Variants in TAF1A observed in about 807,000 individuals in gnomAD.
TAF1A encodes the protein TATA box-binding protein-associated factor RNA polymerase I subunit A.
TAF1A carries 42 observed loss-of-function variants against 61.6 expected under a neutral mutation model. The observed-to-expected ratio is 0.68, with a 90% CI of 0.53 to 0.88. The LOEUF is 0.88. Among genes scored for constraint, TAF1A ranks in the 40% least tolerant of loss-of-function variants. TAF1A has a pLI of 0.00. For missense variants in TAF1A, 424 were observed against 518.7 expected (o/e 0.82, Z 1.77); for synonymous variants, 179 against 177.7 (o/e 1.01, Z -0.06).
intron 3 of TAF1A, among the ~76,000 whole-genome samples, chr1:222,583,794 G>A (rs1353541824): frequency 4.0e-5 from 6 of 149,470 alleles, no homozygotes; most frequent in Non-Finnish European, 7.4e-5. Context: ...AGCCGAGATC[G>A]CGCTACTTCA....
At chr1:222,556,224 G>A, downstream of TAF1A, among the ~76,000 whole-genome samples, 1 of 152,236 alleles carries the variant, frequency 6.6e-6, no homozygotes. Context: ...CCTGTGCCCT[G>A]TTTTGTCTTC....
At chr1:222,563,428 C>T (rs1413332756) in intron 8 of TAF1A, 132 bp from the exon 9 acceptor site, 2 of 1,019,982 alleles carry the variant, frequency 2.0e-6, no homozygotes, top group African/African-American at 3.4e-5. Context: ...GAATCATAAG[C>T]CTTCTGGTTA....
intron 3 of TAF1A, among the ~76,000 whole-genome samples, chr1:222,580,968 C>T (rs531444705): frequency 5.3e-5 from 8 of 151,976 alleles, no homozygotes; most frequent in Non-Finnish European, 7.4e-5. Flanking sequence ...CTGGCTAACA[C>T]GGTGAAACCC....
chr1:222,554,132 T>C (rs1230703000), downstream of TAF1A, among the ~76,000 whole-genome samples: 4 of 152,346 alleles, frequency 2.6e-5, no homozygotes, highest in Admixed American at 6.5e-5. Context: ...TTGTTCTTCA[T>C]TTGGAAAAAT....
chr1:222,570,388 A>T, intron 6 of TAF1A, 147 bp downstream of exon 6: 1 of 780,340 alleles, frequency 1.3e-6, no homozygotes, highest in Non-Finnish European at 1.9e-6. Context: ...AAACAAATTC[A>T]GACCAAAAAA....
At chr1:222,573,333 T>G (rs1484063483) in intron 5 of TAF1A, among the ~76,000 whole-genome samples, 1 of 152,138 alleles carries the variant, frequency 6.6e-6, no homozygotes, top group African/African-American at 2.4e-5. Flanking sequence ...GGTGAAAATA[T>G]TTCCAAGTCA....
chr1:222,563,360 A>C (rs942507015), intron 8 of TAF1A, 64 bp from the exon 9 acceptor site: 67 of 1,532,334 alleles, frequency 4.4e-5, no homozygotes, highest in Non-Finnish European at 5.9e-5. Flanking sequence ...TAAAATTTAC[A>C]TGTATACATT....
chr1:222,588,358 C>A, intron 2 of TAF1A, 85 bp downstream of exon 2: 1 of 1,481,178 alleles, frequency 6.8e-7, no homozygotes, highest in Non-Finnish European at 9.1e-7. Flanking sequence ...GAAAATTAAA[C>A]CAGTCTGGTT....
downstream of TAF1A, among the ~76,000 whole-genome samples, chr1:222,557,648 G>A (rs978714143): frequency 4.0e-5 from 6 of 151,772 alleles, no homozygotes; most frequent in African/African-American, 1.2e-4. Flanking sequence ...GTAGAGACAG[G>A]GTTTCACCAT....
chr1:222,557,763 CA>C (rs1195595733), downstream of TAF1A: 1 of 152,180 alleles, frequency 6.6e-6, no homozygotes, highest in African/African-American at 2.4e-5. Context: ...CAGCTGAAAA[CA>C]GCCAGCCCAC....
chr1:222,563,394 C>G, intron 8 of TAF1A, 98 bp from the exon 9 acceptor site: 1 of 1,274,304 alleles, frequency 7.8e-7, no homozygotes, highest in Non-Finnish European at 1.1e-6. Context: ...ATATACTTTA[C>G]ATATATGTTG....
chr1:222,580,923 C>T lies in TAF1A; in HGVS notation c.292-1051G>A, dbSNP rs1476422540. Among the ~76,000 whole-genome samples the T allele has an allele frequency of 3.3e-5, 5 of 152,016 alleles. No individual in the cohort carries two copies. In the South Asian group the frequency reaches 6.2e-4, roughly 19 times the overall value. On this transcript the variant is annotated intron_variant, in intron 3 of 10. Coordinates refer to ENST00000352967, the MANE Select transcript of TAF1A (RefSeq NM_005681.4). Reference sequence around the variant, plus strand: ...ATCCCAGGATTTTGGGAGGCCGAGGCGGGTGGATCACGAGGTCAGGAGAGT... The same window carrying T: ...ATCCCAGGATTTTGGGAGGCCGAGGTGGGTGGATCACGAGGTCAGGAGAGT...
chr1:222,570,046 A>T (rs1427113523), intron 6 of TAF1A, among the ~76,000 whole-genome samples: 1 of 152,204 alleles, frequency 6.6e-6, no homozygotes, highest in Admixed American at 6.5e-5. Context: ...CAACACAATT[A>T]TCAACTTGCC....
At chr1:222,581,935 A>ATGCC (rs1660804366) in intron 3 of TAF1A, among the ~76,000 whole-genome samples, 1 of 152,228 alleles carries the variant, frequency 6.6e-6, no homozygotes, top group Non-Finnish European at 1.5e-5. Flanking sequence ...CTTTTTAAAT[A>ATGCC]TTTGTATATA....
At chr1:222,569,395 A>G in intron 7 of TAF1A, 115 bp downstream of exon 7, 1 of 1,594,028 alleles carries the variant, frequency 6.3e-7, no homozygotes, top group Non-Finnish European at 8.5e-7. Context: ...ATCTCAGTGT[A>G]CTGTACATTA....
intron 5 of TAF1A, among the ~76,000 whole-genome samples, chr1:222,572,606 T>G (rs949930327): frequency 6.6e-6 from 1 of 152,192 alleles, no homozygotes; most frequent in African/African-American, 2.4e-5. Context: ...GCGATCTACC[T>G]GTCTTGGCCT....
intron 2 of TAF1A, among the ~76,000 whole-genome samples, chr1:222,584,518 A>G (rs1242215524): frequency 2.0e-5 from 3 of 152,196 alleles, no homozygotes; most frequent in Non-Finnish European, 2.9e-5. Context: ...TTTTGGGGCT[A>G]CTAGAGTCAC....
At chr1:222,570,013 T>A (rs970813494) in intron 6 of TAF1A, among the ~76,000 whole-genome samples, 5 of 152,208 alleles carry the variant, frequency 3.3e-5, no homozygotes, top group African/African-American at 1.2e-4. Context: ...CTCCAGATTA[T>A]GATTTTGGAG....
At chr1:222,581,120 TA>T (rs1660773605) in intron 3 of TAF1A, among the ~76,000 whole-genome samples, 1 of 151,920 alleles carries the variant, frequency 6.6e-6, no homozygotes, top group East Asian at 1.9e-4. Flanking sequence ...AAAATACAAA[TA>T]AAAGATACTC....
Sources: allele counts gnomAD v4.1 joint callset (sites outside exome capture counted in the v4.1 genomes callset), GRCh38; gene constraint gnomAD v4.1.1; transcripts MANE v1.5; gene names NCBI Gene and HGNC (gene_info 2026-07-23, HGNC 2026-07-21).